Variants in SBF2 observed in about 807,000 individuals in gnomAD.
SBF2 encodes SET binding factor 2, also known as myotubularin-related protein 13.
In SBF2, 112 loss-of-function variants were observed where a neutral mutation model predicts 225.2. The ratio of observed to expected loss-of-function variants is 0.50; its 90% CI spans 0.43 to 0.58. The LOEUF (loss-of-function observed/expected upper bound fraction) is 0.58, where lower values mean the gene tolerates loss of function less well. Ranked by LOEUF, SBF2 falls within the 20% of genes least tolerant of loss-of-function variation. The pLI is 0.00. For synonymous variants in SBF2, 763 were observed against 773.3 expected (o/e 0.99, Z 0.22); for missense variants, 1,996 against 2,206.2 (o/e 0.90, Z 1.91).
At chr11:10,138,207 T>A (rs1162290764) in intron 2 of SBF2, among the ~76,000 whole-genome samples, 1 of 152,186 alleles carries the variant, frequency 6.6e-6, no homozygotes, top group Non-Finnish European at 1.5e-5. Flanking sequence ...TTGGGTGAGT[T>A]GCAGCAGGTT....
At chr11:10,257,735 G>A (rs537201705) in intron 1 of SBF2, among the ~76,000 whole-genome samples, 3 of 143,636 alleles carry the variant, frequency 2.1e-5, no homozygotes, top group African/African-American at 5.1e-5. Flanking sequence ...AGTGGCTCAC[G>A]CCTATAATCC....
intron 2 of SBF2, among the ~76,000 whole-genome samples, chr11:10,048,647 A>T (rs1791446199): frequency 6.6e-6 from 1 of 152,222 alleles, no homozygotes; most frequent in African/African-American, 2.4e-5. Context: ...ACAATTTGTT[A>T]TCAATGATAA....
At chr11:10,203,049 T>TGGGGGGGGGGGGG (rs1242695233) in intron 1 of SBF2, among the ~76,000 whole-genome samples, 1 of 31,092 alleles carries the variant, frequency 3.2e-5, no homozygotes, top group Admixed American at 3.2e-4. Flanking sequence ...TTAGCTGGGG[T>TGGGGGGGGGGGGG]GGGGGGGTGA....
chr11:10,187,916 C>A (rs919739354), intron 2 of SBF2, among the ~76,000 whole-genome samples: 1 of 152,010 alleles, frequency 6.6e-6, no homozygotes, highest in Non-Finnish European at 1.5e-5. Flanking sequence ...CTGCAATGTG[C>A]GTGAGATAGA....
At chr11:10,004,187 T>C (rs2134521237) in intron 6 of SBF2, among the ~76,000 whole-genome samples, 1 of 152,242 alleles carries the variant, frequency 6.6e-6, no homozygotes, top group East Asian at 1.9e-4. Context: ...TCTAGAATAA[T>C]GGAAAAAAAC....
intron 1 of SBF2, among the ~76,000 whole-genome samples, chr11:10,196,744 A>C (rs1957367220): frequency 6.6e-6 from 1 of 150,810 alleles, no homozygotes; most frequent in African/African-American, 2.4e-5. Flanking sequence ...AAATACATAA[A>C]AATATAAAGA....
At chr11:10,122,433 G>A (rs904596567) in intron 2 of SBF2, among the ~76,000 whole-genome samples, 2 of 152,136 alleles carry the variant, frequency 1.3e-5, no homozygotes, top group Middle Eastern at 3.2e-3. Context: ...ATTTTAGAGT[G>A]CACAGCTAGA....
intron 2 of SBF2, among the ~76,000 whole-genome samples, chr11:10,135,808 T>A (rs1292591485): frequency 6.6e-6 from 1 of 152,152 alleles, no homozygotes. Context: ...TGTCCTACAT[T>A]TTCCTATCTT....
At chr11:9,865,683 T>A (rs1438864659) in intron 17 of SBF2, among the ~76,000 whole-genome samples, 2 of 45,154 alleles carry the variant, frequency 4.4e-5, no homozygotes, top group Non-Finnish European at 7.2e-5. Flanking sequence ...AGAGCAAAAC[T>A]GTCTCAAAAA....
intron 16 of SBF2, among the ~76,000 whole-genome samples, chr11:9,953,446 G>A (rs1447905957): frequency 1.3e-5 from 2 of 150,602 alleles, no homozygotes; most frequent in African/African-American, 2.4e-5. Context: ...CAAAAAAAAC[G>A]AAAAAGAAAA....
chr11:9,904,309 T>A (rs1484038825), intron 16 of SBF2, among the ~76,000 whole-genome samples: 1 of 152,052 alleles, frequency 6.6e-6, no homozygotes, highest in Non-Finnish European at 1.5e-5. Flanking sequence ...ATATTAATAA[T>A]CAGAATATAA....
At chr11:9,982,192 G>A (rs1946986508) in intron 13 of SBF2, among the ~76,000 whole-genome samples, 1 of 152,048 alleles carries the variant, frequency 6.6e-6, no homozygotes, top group African/African-American at 2.4e-5. Context: ...CGCTCCCTCT[G>A]TTCAAAACAA....
chr11:10,280,144 T>C (rs977316365), intron 1 of SBF2, among the ~76,000 whole-genome samples: 1 of 152,208 alleles, frequency 6.6e-6, no homozygotes, highest in Non-Finnish European at 1.5e-5. Context: ...GAATGTCATA[T>C]CAGTGCTCAA....
intron 2 of SBF2, among the ~76,000 whole-genome samples, chr11:10,168,615 C>A (rs865801895): frequency 2.6e-5 from 4 of 152,274 alleles, no homozygotes; most frequent in Middle Eastern, 3.4e-3. Context: ...AATGTACCTT[C>A]CGGAAATTTT....
intron 28 of SBF2, among the ~76,000 whole-genome samples, chr11:9,820,613 T>C (rs1260487374): frequency 6.6e-6 from 1 of 152,218 alleles, no homozygotes; most frequent in African/African-American, 2.4e-5. Flanking sequence ...ATTTCCCCCA[T>C]TTCCTTACCT....
At chr11:9,875,716 G>A (rs1210747691) in intron 17 of SBF2, among the ~76,000 whole-genome samples, 2 of 152,200 alleles carry the variant, frequency 1.3e-5, no homozygotes, top group Non-Finnish European at 2.9e-5. Flanking sequence ...CAGTTTGGGT[G>A]CTTGGAATAT....
chr11:9,925,813 C>A (rs1184674755), intron 16 of SBF2, among the ~76,000 whole-genome samples: 1 of 152,134 alleles, frequency 6.6e-6, no homozygotes, highest in Non-Finnish European at 1.5e-5. Context: ...CCCACAATTG[C>A]CCTTTCCTTA....
intron 32 of SBF2, among the ~76,000 whole-genome samples, chr11:9,806,508 A>T (rs1168385745): frequency 6.6e-6 from 1 of 152,212 alleles, no homozygotes; most frequent in African/African-American, 2.4e-5. Context: ...TTTCAGAGAC[A>T]ATGGTCTCCA....
At chr11:10,173,898 C>T (rs969926108) in intron 2 of SBF2, among the ~76,000 whole-genome samples, 70 of 152,000 alleles carry the variant, frequency 4.6e-4, no homozygotes, top group African/African-American at 1.6e-3. Flanking sequence ...CCAGCAGGGG[C>T]AGACTGACAC....
Sources: allele counts gnomAD v4.1 joint callset (sites outside exome capture counted in the v4.1 genomes callset), GRCh38; gene constraint gnomAD v4.1.1; transcripts MANE v1.5; gene names NCBI Gene and HGNC (gene_info 2026-07-23, HGNC 2026-07-21).